Variants in RAB3C observed in about 807,000 individuals in gnomAD.
RAB3C encodes ras-related protein Rab-3C.
RAB3C carries 17 observed loss-of-function variants against 26.4 expected under a neutral mutation model. That is an observed-to-expected ratio of 0.64 (90% confidence interval 0.44 to 0.97). The LOEUF (loss-of-function observed/expected upper bound fraction) is 0.97. Ranked by LOEUF, RAB3C falls within the 50% of genes least tolerant of loss-of-function variation. The pLI is 0.00. For synonymous variants in RAB3C, 91 were observed against 95.9 expected, an observed-to-expected ratio of 0.95 and a Z score of 0.30; for missense variants, 242 against 281.9, an observed-to-expected ratio of 0.86 and a Z score of 1.01.
chr5:58,853,612 G>A lies in RAB3C; in HGVS notation c.*2261G>A, dbSNP rs1225182805. ...TTGGCCCTTAGATGGGAAGCCCTAA[G>A]CCAAGCTCCCACTTACACAGTGTCA... On this transcript the variant is annotated 3_prime_UTR_variant, in exon 5 of 5. Coordinates refer to ENST00000282878, the MANE Select transcript of RAB3C (RefSeq NM_138453.4). The A allele has an allele frequency of 6.6e-6, 1 of 152,130 alleles. No homozygotes were observed. Among genetic ancestry groups the A allele is most frequent in the Non-Finnish European group, 1.5e-5 (1 of 68,026 alleles). The allele number at this position is 152,130 out of a possible 1,614,324, so 9.4% of individuals were successfully genotyped here.
At chr5:58,784,532 C>T (rs919229999) in intron 3 of RAB3C, among the ~76,000 whole-genome samples, 14 of 152,050 alleles carry the variant, frequency 9.2e-5, no homozygotes, top group Non-Finnish European at 1.5e-4. Context: ...GGGAACACAG[C>T]CAAGCCATAT....
At chr5:58,617,513 A>G (rs1746848138) in intron 1 of RAB3C, 130 bp from the exon 2 acceptor site, 1 of 808,286 alleles carries the variant, frequency 1.2e-6, no homozygotes, top group Non-Finnish European at 2.2e-6. Flanking sequence ...GGGAGCACTC[A>G]CCACTCGCCT....
In RAB3C at chr5:58,810,148, C is replaced by T. The variant is rs994182469; in HGVS notation, c.372-14890C>T. Among the ~76,000 whole-genome samples, 125 of 152,284 alleles carry T rather than the reference C, an allele frequency of 8.2e-4. 1 individual carries two copies. The highest frequency in any genetic ancestry group is 2.7e-3 in the African/African-American group (114 of 41,550). On this transcript the variant is annotated intron_variant, in intron 3 of 4. Coordinates refer to ENST00000282878, the MANE Select transcript of RAB3C (RefSeq NM_138453.4). ...GAGAAACACTCAAAGCTTCACCCCT[C>T]CTCCTTCAGTCCAGTCTCCTGCCAG...
chr5:58,821,905 G>C (rs1199125916), intron 3 of RAB3C, among the ~76,000 whole-genome samples: 1 of 152,146 alleles, frequency 6.6e-6, no homozygotes, highest in Non-Finnish European at 1.5e-5. Flanking sequence ...GTTGAGAACA[G>C]CTCATTGCCA....
In RAB3C at chr5:58,607,431, G is replaced by A. The variant is rs185356604; in HGVS notation, c.25-10212G>A. Among the ~76,000 whole-genome samples, 313 of 152,258 alleles carry A rather than the reference G, an allele frequency of 2.1e-3. 2 individuals carry two copies. The highest frequency in any genetic ancestry group is 7.1e-3 in the East Asian group (37 of 5,182). On this transcript the variant is annotated intron_variant, in intron 1 of 4. Transcript: ENST00000282878. ...AACTATGTGAAAAGACCAAATCTACGTTTGATTAGTGTACCTGAAAGTGAC... is the reference window on the plus strand; with the variant it reads ...AACTATGTGAAAAGACCAAATCTACATTTGATTAGTGTACCTGAAAGTGAC...
At chr5:58,678,425 C>G (rs1398080297) in intron 2 of RAB3C, among the ~76,000 whole-genome samples, 1 of 151,980 alleles carries the variant, frequency 6.6e-6, no homozygotes, top group East Asian at 1.9e-4. Context: ...TGGAGTCTGC[C>G]TGACCATTGG....
intron 2 of RAB3C, among the ~76,000 whole-genome samples, chr5:58,642,498 C>G (rs932444246): frequency 6.6e-6 from 1 of 152,144 alleles, no homozygotes; most frequent in Admixed American, 6.5e-5. Flanking sequence ...GGATTCTATA[C>G]CAGGCCTCAA....
intron 2 of RAB3C, among the ~76,000 whole-genome samples, chr5:58,699,714 G>A (rs921498958): frequency 3.3e-5 from 5 of 152,212 alleles, no homozygotes; most frequent in Non-Finnish European, 7.3e-5. Flanking sequence ...TTGCCGTTCA[G>A]TCTCAGATTG....
At chr5:58,815,332 A>T (rs1333736414) in intron 3 of RAB3C, among the ~76,000 whole-genome samples, 8 of 152,174 alleles carry the variant, frequency 5.3e-5, no homozygotes, top group Admixed American at 1.3e-4. Flanking sequence ...TGTCATCTCC[A>T]AAATGAAGGT....
intron 2 of RAB3C, among the ~76,000 whole-genome samples, chr5:58,640,376 C>T (rs1747389978): frequency 6.6e-6 from 1 of 152,166 alleles, no homozygotes; most frequent in Non-Finnish European, 1.5e-5. Flanking sequence ...TCCCCCAAAC[C>T]TTACGCGTTT....
intron 2 of RAB3C, among the ~76,000 whole-genome samples, chr5:58,700,308 G>T (rs961692343): frequency 6.6e-6 from 1 of 152,148 alleles, no homozygotes; most frequent in African/African-American, 2.4e-5. Flanking sequence ...GAAACTTCCA[G>T]GTAATATTAA....
At chr5:58,849,069 T>C (rs7707997) in intron 4 of RAB3C, among the ~76,000 whole-genome samples, 30,190 of 152,134 alleles carry the variant, frequency 0.2, 3,332 homozygotes, top group Non-Finnish European at 0.26. Context: ...TGATAGGGTG[T>C]TGAGATGCCC....
chr5:58,733,695 A>G (rs900623991), intron 3 of RAB3C, among the ~76,000 whole-genome samples: 1 of 152,236 alleles, frequency 6.6e-6, no homozygotes, highest in African/African-American at 2.4e-5. Context: ...TAGAAATACC[A>G]GATCACCGCT....
intron 2 of RAB3C, among the ~76,000 whole-genome samples, chr5:58,697,771 G>T (rs909472470): frequency 6.6e-6 from 1 of 151,830 alleles, no homozygotes; most frequent in African/African-American, 2.4e-5. Context: ...TTTTCTATTT[G>T]CTTGGTAGAT....
chr5:58,617,266 C>A (rs1746843368), intron 1 of RAB3C, among the ~76,000 whole-genome samples: 1 of 152,144 alleles, frequency 6.6e-6, no homozygotes, highest in African/African-American at 2.4e-5. Flanking sequence ...TGCTGTTCAG[C>A]CACTTTGGTG....
chr5:58,610,182 A>AT (rs1746668044), intron 1 of RAB3C, among the ~76,000 whole-genome samples: 1 of 49,184 alleles, frequency 2.0e-5, no homozygotes, highest in African/African-American at 8.2e-5. Context: ...GAAAAAAATG[A>AT]TTTTTGTTTT....
At chr5:58,803,928 C>A (rs924146041) in intron 3 of RAB3C, among the ~76,000 whole-genome samples, 6 of 152,162 alleles carry the variant, frequency 3.9e-5, no homozygotes, top group African/African-American at 1.4e-4. Flanking sequence ...GGCTTGGTGG[C>A]AGGCACCTAT....
At chr5:58,723,275 T>C (rs999341743) in intron 2 of RAB3C, among the ~76,000 whole-genome samples, 1 of 151,836 alleles carries the variant, frequency 6.6e-6, no homozygotes, top group Admixed American at 6.6e-5. Context: ...ACATTATTTC[T>C]GCTATTTTGA....
intron 3 of RAB3C, chr5:58,742,073 CA>C (rs1213179303): frequency 6.6e-6 from 1 of 151,734 alleles, no homozygotes; most frequent in Non-Finnish European, 1.5e-5. Context: ...TGTATAAAAC[CA>C]GTGGAAAATT....
Sources: allele counts gnomAD v4.1 joint callset (sites outside exome capture counted in the v4.1 genomes callset), GRCh38; gene constraint gnomAD v4.1.1; transcripts MANE v1.5; gene names NCBI Gene and HGNC (gene_info 2026-07-23, HGNC 2026-07-21).